The following INSL6 variants were observed in gnomAD, a reference collection of about 807,000 sequenced individuals.
INSL6 encodes insulin like 6, also known as insulin-like peptide INSL6.
INSL6 carries 16 observed loss-of-function variants against 9.4 expected under a neutral mutation model. The observed-to-expected ratio is 1.70, with a 90% CI of 1.15 to 2.59. The LOEUF (loss-of-function observed/expected upper bound fraction) is 2.59. Among genes scored for constraint, INSL6 ranks in the 30% most tolerant of loss-of-function variants. The probability of loss-of-function intolerance (pLI) is 0.00; values close to 1 mark genes in which losing one functional copy is unlikely to be tolerated. For synonymous variants in INSL6, 154 were observed against 96.9 expected, an observed-to-expected ratio of 1.59 and a Z score of -3.46; for missense variants, 391 against 257.3, an observed-to-expected ratio of 1.52 and a Z score of -3.56.
At chr9:4,994,090 ATTAGTCTTTC>A in the INSL6 span, among the ~76,000 whole-genome samples, 4 of 152,146 alleles carry the variant, frequency 2.6e-5, no homozygotes, top group African/African-American at 9.7e-5. Flanking sequence ...ACTTGTTTTT[ATTAGTCTTTC>A]TTAAATGTGT....
intron 1 of INSL6, among the ~76,000 whole-genome samples, chr9:5,175,697 G>A (rs113839743): frequency 6.6e-6 from 1 of 152,038 alleles, no homozygotes; most frequent in Non-Finnish European, 1.5e-5. Flanking sequence ...GACAGCATTA[G>A]ATTCTTATAG....
intron 2 of INSL6, among the ~76,000 whole-genome samples, chr9:5,144,602 G>A (rs951446563): frequency 2.0e-5 from 3 of 152,184 alleles, no homozygotes; most frequent in Admixed American, 6.5e-5. Context: ...CTATTATTGT[G>A]TGGCGGTCTA....
the INSL6 span, among the ~76,000 whole-genome samples, chr9:5,093,677 A>C: frequency 2.6e-5 from 4 of 152,198 alleles, no homozygotes; most frequent in Non-Finnish European, 5.9e-5. Flanking sequence ...ACAGTAGTCT[A>C]AGCGAGTTAA....
the INSL6 span, chr9:5,055,596 T>C: frequency 8.6e-7 from 1 of 1,161,122 alleles, no homozygotes; most frequent in South Asian, 1.5e-5. Context: ...AAGAATGTTG[T>C]CTTCTTAAGT....
intron 3 of INSL6, among the ~76,000 whole-genome samples, chr9:5,130,338 T>A (rs1054673146): frequency 2.0e-5 from 3 of 152,232 alleles, no homozygotes; most frequent in African/African-American, 7.2e-5. Flanking sequence ...AAATCATCTT[T>A]GAGCAGTGTG....
At chr9:5,184,645 T>A (rs1825529649) in intron 1 of INSL6, among the ~76,000 whole-genome samples, 1 of 152,182 alleles carries the variant, frequency 6.6e-6, no homozygotes. Flanking sequence ...AGGCCTTGCA[T>A]TTGGTTTAAA....
chr9:5,165,786 A>G (rs1825038569), intron 1 of INSL6, among the ~76,000 whole-genome samples: 1 of 152,242 alleles, frequency 6.6e-6, no homozygotes, highest in Non-Finnish European at 1.5e-5. Flanking sequence ...AAATAACTCC[A>G]GAAGGTAATT....
chr9:5,021,492 G>C, the INSL6 span, among the ~76,000 whole-genome samples: 1 of 152,188 alleles, frequency 6.6e-6, no homozygotes, highest in African/African-American at 2.4e-5. Flanking sequence ...ATGATTTCTT[G>C]CATTGTGCTT....
At chr9:5,082,124 G>C in the INSL6 span, among the ~76,000 whole-genome samples, 1 of 148,910 alleles carries the variant, frequency 6.7e-6, no homozygotes, top group Admixed American at 6.6e-5. Context: ...AGAGACAAAA[G>C]TATAGAGAAA....
the INSL6 span, among the ~76,000 whole-genome samples, chr9:4,997,633 A>G: frequency 6.6e-6 from 1 of 152,356 alleles, no homozygotes; most frequent in South Asian, 2.1e-4. Flanking sequence ...AAAGGGGACA[A>G]CATCCAAACT....
the INSL6 span, among the ~76,000 whole-genome samples, chr9:5,049,296 G>C: frequency 6.6e-6 from 1 of 152,136 alleles, no homozygotes; most frequent in Non-Finnish European, 1.5e-5. Context: ...GGTCATTCAA[G>C]GGTACCTGCA....
the INSL6 span, among the ~76,000 whole-genome samples, chr9:5,010,573 G>A: frequency 6.6e-6 from 1 of 152,210 alleles, no homozygotes. Context: ...CACCCGCCTC[G>A]GCCTCCCAAA....
At chr9:5,105,510 A>G in the INSL6 span, among the ~76,000 whole-genome samples, 2 of 152,224 alleles carry the variant, frequency 1.3e-5, no homozygotes, top group African/African-American at 2.4e-5. Flanking sequence ...TATAGATTCA[A>G]TGCCATCCCC....
At chr9:5,070,710 G>C in the INSL6 span, among the ~76,000 whole-genome samples, 1 of 151,966 alleles carries the variant, frequency 6.6e-6, no homozygotes, top group South Asian at 2.1e-4. Flanking sequence ...GGGCCCACTG[G>C]ATTTATTGAA....
the INSL6 span, chr9:5,022,213 G>T: frequency 1.4e-5 from 22 of 1,609,424 alleles, no homozygotes; most frequent in Non-Finnish European, 1.5e-5. Flanking sequence ...TAAAGCTTGT[G>T]GTAAGTATTA....
the INSL6 span, among the ~76,000 whole-genome samples, chr9:5,082,420 C>G: frequency 6.6e-6 from 1 of 152,236 alleles, no homozygotes; most frequent in Non-Finnish European, 1.5e-5. Flanking sequence ...AATAAAGCAG[C>G]ATTGCTGCCA....
the INSL6 span, among the ~76,000 whole-genome samples, chr9:5,060,867 G>A: frequency 1.3e-5 from 2 of 152,180 alleles, no homozygotes; most frequent in African/African-American, 2.4e-5. Context: ...CTTACAAAAT[G>A]TATTTCTTAG....
At chr9:5,045,776 C>T in the INSL6 span, among the ~76,000 whole-genome samples, 10 of 152,118 alleles carry the variant, frequency 6.6e-5, no homozygotes, top group African/African-American at 2.4e-4. Flanking sequence ...GAATAATATT[C>T]CATTGCATAT....
chr9:5,148,196 T>G (rs1368955543), intron 2 of INSL6, among the ~76,000 whole-genome samples: 1 of 152,222 alleles, frequency 6.6e-6, no homozygotes, highest in South Asian at 2.1e-4. Context: ...AAACTGAGTA[T>G]AGTCCACTGA....
Sources: gnomAD v4.1 joint callset for allele counts (sites outside exome capture counted in the v4.1 genomes callset) on GRCh38, gnomAD v4.1.1 for gene constraint, MANE v1.5 for transcripts, NCBI Gene and HGNC (gene_info 2026-07-23, HGNC 2026-07-21) for gene names.